Variants in FUT9 observed in about 807,000 individuals in gnomAD.
FUT9 encodes 4-galactosyl-N-acetylglucosaminide 3-alpha-L-fucosyltransferase 9.
A neutral mutation model predicts 29.7 loss-of-function variants in FUT9; 15 were observed. That is an observed-to-expected ratio of 0.51 (90% CI 0.34 to 0.78). The LOEUF (loss-of-function observed/expected upper bound fraction) is 0.78, where lower values mean the gene tolerates loss of function less well. FUT9 is among the 30% of genes least tolerant of loss of function. The pLI is 0.01. For synonymous variants in FUT9, 169 were observed against 153.7 expected, an observed-to-expected ratio of 1.10 and a Z score of -0.74; for missense variants, 319 against 425.4, an observed-to-expected ratio of 0.75 and a Z score of 2.20.
chr6:96,195,409 TC>T (rs1368201334), intron 2 of FUT9, among the ~76,000 whole-genome samples: 1 of 152,140 alleles, frequency 6.6e-6, no homozygotes, highest in Non-Finnish European at 1.5e-5. Flanking sequence ...TATATAAGGA[TC>T]TTTGAGAAAG....
At chr6:96,050,128 C>T (rs1209371714) in intron 1 of FUT9, among the ~76,000 whole-genome samples, 1 of 152,060 alleles carries the variant, frequency 6.6e-6, no homozygotes. Context: ...TCCATCACCA[C>T]ACTAGATTTC....
intron 1 of FUT9, among the ~76,000 whole-genome samples, chr6:96,053,387 C>T (rs150378997): frequency 6.6e-6 from 1 of 152,216 alleles, no homozygotes; most frequent in African/African-American, 2.4e-5. Context: ...ACAACTGAAC[C>T]TGAGCCTGAA....
intron 1 of FUT9, among the ~76,000 whole-genome samples, chr6:96,113,434 T>C (rs1250215419): frequency 6.6e-6 from 1 of 151,660 alleles, no homozygotes; most frequent in East Asian, 2.0e-4. Context: ...AGACGGGGTT[T>C]CACCATGTTG....
chr6:96,210,075 G>A lies in FUT9; in HGVS notation c.*5840G>A, dbSNP rs1773907833. ...TAATACACAGCTTCTGAATCTCTGG[G>A]TGTGAGATGGGACCAGGAATCTTAT... On this transcript the variant is annotated 3_prime_UTR_variant, in exon 3 of 3. Coordinates refer to ENST00000302103, the MANE Select transcript of FUT9 (RefSeq NM_006581.4). 1 of 166,826 alleles carries A rather than the reference G, an allele frequency of 6.0e-6. No individual in the cohort carries two copies. The highest frequency in any genetic ancestry group is 2.1e-4 in the South Asian group (1 of 4,828). The allele number at this position is 166,826 out of a possible 1,614,324, so 10.3% of individuals were successfully genotyped here. A position where few individuals can be genotyped will look rare whatever the true frequency, so the allele number is the denominator to read the frequency against.
chr6:96,132,091 C>G (rs1055512020), intron 2 of FUT9, among the ~76,000 whole-genome samples: 1 of 152,022 alleles, frequency 6.6e-6, no homozygotes, highest in Non-Finnish European at 1.5e-5. Flanking sequence ...AAAATGCCCA[C>G]GTTACCCATG....
At chr6:96,032,187 T>C (rs753316723) in intron 1 of FUT9, among the ~76,000 whole-genome samples, 17 of 151,648 alleles carry the variant, frequency 1.1e-4, no homozygotes, top group Non-Finnish European at 1.6e-4. Context: ...AGGAGAAATG[T>C]TTCTCACACT....
intron 1 of FUT9, among the ~76,000 whole-genome samples, chr6:96,105,286 A>T (rs1049978692): frequency 1.3e-5 from 2 of 152,250 alleles, no homozygotes; most frequent in African/African-American, 4.8e-5. Context: ...ATGTATTATT[A>T]ACACATAGCT....
intron 2 of FUT9, among the ~76,000 whole-genome samples, chr6:96,123,041 C>T (rs1171130266): frequency 7.8e-6 from 1 of 128,838 alleles, no homozygotes. Flanking sequence ...GCCTAGGAGA[C>T]AGCCGCGAGA....
chr6:96,127,434 C>T (rs1290382417), intron 2 of FUT9, among the ~76,000 whole-genome samples: 2 of 152,118 alleles, frequency 1.3e-5, no homozygotes, highest in African/African-American at 4.8e-5. Context: ...TTTATCCATT[C>T]TATCATTGAT....
intron 1 of FUT9, among the ~76,000 whole-genome samples, chr6:96,080,645 C>A (rs1234012205): frequency 6.6e-6 from 1 of 151,894 alleles, no homozygotes; most frequent in African/African-American, 2.4e-5. Flanking sequence ...AAAATCATGT[C>A]TTGACCATGT....
intron 1 of FUT9, among the ~76,000 whole-genome samples, chr6:96,105,430 C>A (rs1771659879): frequency 6.6e-6 from 1 of 152,116 alleles, no homozygotes; most frequent in Non-Finnish European, 1.5e-5. Context: ...AGTGTAAGCA[C>A]ACCTTTAAAA....
intron 1 of FUT9, among the ~76,000 whole-genome samples, chr6:96,049,765 A>G (rs930082069): frequency 2.6e-5 from 4 of 152,086 alleles, no homozygotes; most frequent in Non-Finnish European, 4.4e-5. Context: ...CATCTCTGTT[A>G]TTTTCATTCA....
At chr6:96,196,204 T>C (rs1321459683) in intron 2 of FUT9, among the ~76,000 whole-genome samples, 1 of 152,118 alleles carries the variant, frequency 6.6e-6, no homozygotes, top group Non-Finnish European at 1.5e-5. Context: ...AAAGACAGAT[T>C]AATAGAAGAA....
chr6:96,063,856 G>T (rs752618820), intron 1 of FUT9, among the ~76,000 whole-genome samples: 61 of 152,256 alleles, frequency 4.0e-4, no homozygotes, highest in Admixed American at 1.3e-3. Flanking sequence ...ATTTCATTGA[G>T]ATTCAGACTG....
intron 2 of FUT9, among the ~76,000 whole-genome samples, chr6:96,159,169 A>G (rs1772848143): frequency 6.6e-6 from 1 of 152,216 alleles, no homozygotes; most frequent in African/African-American, 2.4e-5. Flanking sequence ...TCGTATTTTT[A>G]CAAATGTATT....
intron 1 of FUT9, among the ~76,000 whole-genome samples, chr6:96,019,302 C>A (rs946718836): frequency 2.6e-5 from 4 of 151,834 alleles, no homozygotes; most frequent in Non-Finnish European, 1.5e-5. Context: ...AAGAGATAAC[C>A]ACATACAATA....
chr6:96,061,703 C>T (rs6941247), intron 1 of FUT9, among the ~76,000 whole-genome samples: 2 of 152,080 alleles, frequency 1.3e-5, no homozygotes, highest in African/African-American at 4.8e-5. Context: ...CTTGTAAGTC[C>T]TGTTCTTCAT....
chr6:96,087,559 G>T (rs1771338827), intron 1 of FUT9, among the ~76,000 whole-genome samples: 1 of 151,780 alleles, frequency 6.6e-6, no homozygotes. Context: ...TAGAGACGGG[G>T]TTTCACCATG....
Position 96,062,472 on chromosome 6 carries a change from G to C in FUT9, c.-98+46260G>C, listed in dbSNP as rs1489715722. Among the ~76,000 whole-genome samples the C allele has an allele frequency of 2.6e-5, 4 of 152,014 alleles. No individual in the cohort carries two copies. In the East Asian group the frequency reaches 7.7e-4, roughly 29 times the overall value. ...ATTTAACCTCTGGAAAACTTGTTTA[G>C]GAATGCAAAAGAACAGAGAAGGGAA... On this transcript the variant is annotated intron_variant, in intron 1 of 2. Coordinates refer to ENST00000302103, the MANE Select transcript of FUT9 (RefSeq NM_006581.4).
Sources: gnomAD v4.1 joint callset for allele counts (sites outside exome capture counted in the v4.1 genomes callset) on GRCh38, gnomAD v4.1.1 for gene constraint, MANE v1.5 for transcripts, NCBI Gene and HGNC (gene_info 2026-07-23, HGNC 2026-07-21) for gene names.